The following CNTNAP2 variants were observed in gnomAD, a reference collection of about 807,000 sequenced individuals.
The protein encoded by CNTNAP2 is contactin associated protein 2, also known as contactin-associated protein-like 2.
CNTNAP2 carries 98 observed loss-of-function variants against 155.2 expected under a neutral mutation model. The ratio of observed to expected loss-of-function variants is 0.63; its 90% CI spans 0.54 to 0.75. The LOEUF (loss-of-function observed/expected upper bound fraction) is 0.75. CNTNAP2 is among the 30% of genes least tolerant of loss of function. The probability of loss-of-function intolerance (pLI) is 0.00; values close to 1 mark genes in which losing one functional copy is unlikely to be tolerated. For missense variants in CNTNAP2, 1,727 were observed against 1,688.1 expected (o/e 1.02, Z -0.40); for synonymous variants, 651 against 631.2 (o/e 1.03, Z -0.47).
At chr7:147,096,115 C>T (rs1563075282) in intron 4 of CNTNAP2, among the ~76,000 whole-genome samples, 1 of 152,104 alleles carries the variant, frequency 6.6e-6, no homozygotes. Flanking sequence ...ACTGGTTATT[C>T]ACAGGAAAAT....
At chr7:148,068,858 T>C (rs1803320193) in intron 15 of CNTNAP2, among the ~76,000 whole-genome samples, 1 of 152,300 alleles carries the variant, frequency 6.6e-6, no homozygotes, top group African/African-American at 2.4e-5. Context: ...CATGAATTTA[T>C]TGGTACCTTG....
At chr7:147,348,383 A>G (rs1795913794) in intron 9 of CNTNAP2, among the ~76,000 whole-genome samples, 1 of 151,976 alleles carries the variant, frequency 6.6e-6, no homozygotes, top group African/African-American at 2.4e-5. Flanking sequence ...AGCAAAAAAA[A>G]AAATGAAAAA....
chr7:147,432,501 C>T (rs826645), intron 10 of CNTNAP2, among the ~76,000 whole-genome samples: 47,378 of 152,128 alleles, frequency 0.31, 8,208 homozygotes, highest in Non-Finnish European at 0.37. Context: ...AATATCACTA[C>T]TTCCCACATT....
At chr7:146,962,526 T>G (rs1285377124) in intron 3 of CNTNAP2, among the ~76,000 whole-genome samples, 1 of 152,078 alleles carries the variant, frequency 6.6e-6, no homozygotes, top group Non-Finnish European at 1.5e-5. Flanking sequence ...TACAATGAAA[T>G]TAGTTAACAT....
At chr7:146,785,074 G>T (rs1802553008) in intron 2 of CNTNAP2, among the ~76,000 whole-genome samples, 1 of 150,882 alleles carries the variant, frequency 6.6e-6, no homozygotes, top group Admixed American at 6.6e-5. Flanking sequence ...GTGCTCAGGT[G>T]ATCCTCCCAT....
intron 3 of CNTNAP2, among the ~76,000 whole-genome samples, chr7:146,936,540 C>T (rs186005545): frequency 1.5e-3 from 226 of 152,148 alleles, no homozygotes; most frequent in African/African-American, 5.1e-3. Context: ...TGACCAAAAG[C>T]GGGGAATTGT....
intron 4 of CNTNAP2, among the ~76,000 whole-genome samples, chr7:147,086,767 C>T (rs1800287747): frequency 6.6e-6 from 1 of 152,138 alleles, no homozygotes; most frequent in South Asian, 2.1e-4. Flanking sequence ...AGACCCCCTT[C>T]CTCATGTAAC....
chr7:146,379,345 G>A (rs906526967), intron 1 of CNTNAP2, among the ~76,000 whole-genome samples: 1 of 152,164 alleles, frequency 6.6e-6, no homozygotes, highest in African/African-American at 2.4e-5. Flanking sequence ...GGAAATTGGG[G>A]TACAGACTTT....
rs1037951746 is a variant in CNTNAP2 at position 147,889,502 on chromosome 7, G to GA, written c.2099-14054dup. ...TATTGATACGAATGCAAATGAAAGA[G>GA]AAAAAAAAATTACAATTCAGAGCAT... is the stretch of plus-strand genomic sequence containing the variant. On this transcript the variant is annotated intron_variant, in intron 13 of 23. Transcript: ENST00000361727. Among the ~76,000 whole-genome samples, 9 of 150,670 alleles carry GA rather than the reference G, an allele frequency of 6.0e-5. No individual in the cohort carries two copies. The East Asian group carries it at 9.7e-4, about 16-fold the overall frequency.
chr7:146,536,351 A>G (rs953370623), intron 1 of CNTNAP2, among the ~76,000 whole-genome samples: 5 of 152,130 alleles, frequency 3.3e-5, no homozygotes, highest in Non-Finnish European at 7.3e-5. Context: ...TAATATGAGT[A>G]TTAATAATAA....
intron 13 of CNTNAP2, among the ~76,000 whole-genome samples, chr7:147,780,655 G>T (rs1247171881): frequency 6.6e-6 from 1 of 152,136 alleles, no homozygotes; most frequent in Non-Finnish European, 1.5e-5. Flanking sequence ...CTTTGAATTT[G>T]CCTGAAGTTG....
chr7:147,993,199 AT>A (rs1585066945), intron 15 of CNTNAP2, among the ~76,000 whole-genome samples: 1 of 152,168 alleles, frequency 6.6e-6, no homozygotes, highest in Admixed American at 6.5e-5. Context: ...GGTTTTCTCC[AT>A]TTTAACAAAG....
At chr7:147,700,324 G>A (rs959218048) in intron 13 of CNTNAP2, among the ~76,000 whole-genome samples, 1 of 152,110 alleles carries the variant, frequency 6.6e-6, no homozygotes, top group African/African-American at 2.4e-5. Flanking sequence ...ACAGCTTGGG[G>A]CCACCAGTGC....
intron 1 of CNTNAP2, among the ~76,000 whole-genome samples, chr7:146,494,335 C>CA (rs1310759589): frequency 7.5e-5 from 11 of 145,886 alleles, no homozygotes; most frequent in African/African-American, 1.3e-4. Context: ...CTCTATGTCT[C>CA]AAAAAAAATA....
At chr7:147,044,556 C>G (rs1019077706) in intron 4 of CNTNAP2, among the ~76,000 whole-genome samples, 1 of 152,074 alleles carries the variant, frequency 6.6e-6, no homozygotes. Context: ...CTTTCTCTAC[C>G]AAATTTAATT....
At chr7:147,385,109 G>C (rs1796603368) in intron 9 of CNTNAP2, among the ~76,000 whole-genome samples, 1 of 152,132 alleles carries the variant, frequency 6.6e-6, no homozygotes, top group Non-Finnish European at 1.5e-5. Context: ...CAGATCTCAT[G>C]AGACTTATTC....
At chr7:147,069,458 G>A (rs969674008) in intron 4 of CNTNAP2, among the ~76,000 whole-genome samples, 4 of 152,224 alleles carry the variant, frequency 2.6e-5, no homozygotes, top group Middle Eastern at 3.4e-3. Context: ...GACATATAGG[G>A]GCCATCTCAG....
At chr7:146,354,163 G>A (rs774430069) in intron 1 of CNTNAP2, among the ~76,000 whole-genome samples, 6 of 152,068 alleles carry the variant, frequency 3.9e-5, no homozygotes, top group Non-Finnish European at 5.9e-5. Flanking sequence ...ATCTATTCTT[G>A]TTCATTTTTC....
At chr7:148,137,417 T>C (rs1020400387) in intron 16 of CNTNAP2, among the ~76,000 whole-genome samples, 1 of 152,322 alleles carries the variant, frequency 6.6e-6, no homozygotes, top group East Asian at 1.9e-4. Context: ...CCCAGCACTT[T>C]GGGAGGCTGA....
Sources: allele counts gnomAD v4.1 joint callset (sites outside exome capture counted in the v4.1 genomes callset), GRCh38; gene constraint gnomAD v4.1.1; transcripts MANE v1.5; gene names NCBI Gene and HGNC (gene_info 2026-07-23, HGNC 2026-07-21).